The following ZNF407 variants were observed in gnomAD, a reference collection of about 807,000 sequenced individuals.
The protein encoded by ZNF407 is zinc finger protein 407.
In ZNF407, 17 loss-of-function variants were observed where a neutral mutation model predicts 131.2. That is an observed-to-expected ratio of 0.13 (90% CI 0.09 to 0.19). The LOEUF is 0.19. Ranked by LOEUF, ZNF407 falls within the 10% of genes least tolerant of loss-of-function variation. ZNF407 has a pLI of 1.00. For synonymous variants in ZNF407, 1,156 were observed against 1,062.0 expected (o/e 1.09, Z -1.72); for missense variants, 2,681 against 2,830.6 (o/e 0.95, Z 1.20).
intron 8 of ZNF407, among the ~76,000 whole-genome samples, chr18:74,983,846 C>A (rs906574114): frequency 2.6e-5 from 4 of 152,182 alleles, no homozygotes; most frequent in African/African-American, 9.7e-5. Flanking sequence ...CGTCATGGCT[C>A]CTGGTGGCAT....
At chr18:75,028,324 G>A (rs1163495435) in intron 8 of ZNF407, among the ~76,000 whole-genome samples, 2 of 152,116 alleles carry the variant, frequency 1.3e-5, no homozygotes, top group African/African-American at 4.8e-5. Flanking sequence ...CTTGGGTGGT[G>A]GATGACCGTC....
intron 3 of ZNF407, among the ~76,000 whole-genome samples, chr18:74,705,414 G>T (rs767155829): frequency 6.6e-6 from 1 of 152,140 alleles, no homozygotes. Context: ...ATGCTGAATT[G>T]TGCAGATGCT....
At chr18:74,718,790 T>C (rs1289914119) in intron 3 of ZNF407, among the ~76,000 whole-genome samples, 5 of 152,232 alleles carry the variant, frequency 3.3e-5, no homozygotes, top group Admixed American at 3.3e-4. Context: ...AGTAGCTTTT[T>C]AAGACTCTTA....
At chr18:74,941,768 G>C (rs533429891) in intron 8 of ZNF407, among the ~76,000 whole-genome samples, 6 of 152,266 alleles carry the variant, frequency 3.9e-5, no homozygotes, top group African/African-American at 1.4e-4. Context: ...TTAGCTTTGA[G>C]GCTGAAGTCT....
At position 74,633,809 on chromosome 18, in the gene ZNF407, T is replaced by C; in HGVS notation, c.2790T>C (p.Ala930=). The change falls in exon 2 of 9, where the codon GCT becomes GCC. Residue 930 remains alanine, a synonymous_variant. Coordinates refer to ENST00000299687, the MANE Select transcript of ZNF407 (RefSeq NM_017757.3). ...GCCCTGAAGGGGGTAGCCTTGAAGC[T>C]GGTAAAAAGAATGCTGGCTCAGCAG... ...IVGPEGGSLE[A]GKKNAGSAVT... 6.2e-7 allele frequency: 1 copy of C among 1,613,704 alleles called. No homozygotes were observed. Among genetic ancestry groups the C allele is most frequent in the Non-Finnish European group, 8.5e-7 (1 of 1,179,858 alleles).
intron 3 of ZNF407, among the ~76,000 whole-genome samples, chr18:74,742,086 G>C (rs1968563337): frequency 6.6e-6 from 1 of 152,108 alleles, no homozygotes; most frequent in Admixed American, 6.5e-5. Flanking sequence ...TTAGAATTTA[G>C]CCAAGTATGG....
chr18:74,740,435 C>A (rs1392100764), intron 3 of ZNF407, among the ~76,000 whole-genome samples: 5 of 152,178 alleles, frequency 3.3e-5, no homozygotes, highest in African/African-American at 7.2e-5. Flanking sequence ...GGGGTTAGGA[C>A]CCGATATCTT....
In ZNF407 at chr18:74,633,235, G is replaced by A. The variant is rs1238945896; in HGVS notation, c.2216G>A (p.Cys739Tyr). 1 of 1,613,826 alleles carries A rather than the reference G, an allele frequency of 6.2e-7. No individual in the cohort carries two copies. Among genetic ancestry groups the A allele is most frequent in the Non-Finnish European group, 8.5e-7 (1 of 1,179,854 alleles). The change falls in exon 2 of 9, where the codon TGT (cysteine) becomes TAT (tyrosine). Residue 739 changes from cysteine (C) to tyrosine (Y), a missense_variant. Physicochemically the swap from Cys to Tyr is radical, Grantham distance 194. Around this residue, in one of 6 missense-constraint regions of ZNF407, gnomAD observed 1,789 missense variants for 1,748.7 expected, o/e 1.02. Transcript: ENST00000299687. ...GQDYHFLCKA[C>Y]NLYSLSKEGM... ...GACTATCATTTTCTTTGTAAAGCTT[G>A]TAATCTTTATTCATTGAGCAAAGAA...
chr18:74,776,341 G>A (rs941701340), intron 3 of ZNF407, among the ~76,000 whole-genome samples: 3 of 152,150 alleles, frequency 2.0e-5, no homozygotes, highest in African/African-American at 4.8e-5. Context: ...CCAGTCTCAG[G>A]TATTTTGTTG....
rs751717661 is a variant in ZNF407 at position 74,632,682 on chromosome 18, A to G, written c.1663A>G (p.Met555Val). Residue 555 changes from methionine to valine, a missense_variant, in exon 2 of 9, where the codon ATG becomes GTG. Transcript: ENST00000299687. ...IHVKRCHARE[M>V]KFYCRTCDFS... ...TGTGAAAAGGTGCCATGCCAGAGAG[A>G]TGAAATTTTACTGCCGTACTTGTGA... The G allele has an allele frequency of 5.0e-6, 8 of 1,613,942 alleles. No individual in the cohort carries two copies. Among genetic ancestry groups the G allele is most frequent in the Admixed American group, 3.3e-5 (2 of 60,012 alleles).
chr18:74,852,216 C>T (rs905501526), intron 4 of ZNF407, among the ~76,000 whole-genome samples: 6 of 151,378 alleles, frequency 4.0e-5, no homozygotes, highest in African/African-American at 9.7e-5. Flanking sequence ...CGCACGCGCA[C>T]GCGCGCGCGC....
chr18:74,991,513 C>T (rs1281662804), intron 8 of ZNF407, among the ~76,000 whole-genome samples: 3 of 152,182 alleles, frequency 2.0e-5, no homozygotes, highest in Admixed American at 2.0e-4. Flanking sequence ...GGCAATTTTT[C>T]TATTTAAAAT....
intron 8 of ZNF407, among the ~76,000 whole-genome samples, chr18:74,957,743 C>T (rs1972293178): frequency 1.3e-5 from 2 of 152,264 alleles, no homozygotes; most frequent in Admixed American, 6.5e-5. Context: ...TTAAAACTCT[C>T]TGAGCCTGTT....
chr18:74,866,165 T>G (rs1971007208), intron 4 of ZNF407, among the ~76,000 whole-genome samples: 2 of 152,224 alleles, frequency 1.3e-5, no homozygotes, highest in South Asian at 2.1e-4. Flanking sequence ...TATGTCGGGT[T>G]CTACTGTGTC....
intron 3 of ZNF407, among the ~76,000 whole-genome samples, chr18:74,657,392 C>A (rs117082739): frequency 6.8e-4 from 104 of 152,156 alleles, no homozygotes; most frequent in Non-Finnish European, 1.3e-3. Context: ...TGGCATAATA[C>A]ACATATTTGT....
At chr18:74,710,162 A>G (rs1035741558) in intron 3 of ZNF407, among the ~76,000 whole-genome samples, 1 of 152,182 alleles carries the variant, frequency 6.6e-6, no homozygotes, top group African/African-American at 2.4e-5. Flanking sequence ...TTAAAACAAT[A>G]TTTAAGTTTT....
At chr18:74,598,750 A>G (rs1457760423) in intron 1 of ZNF407, among the ~76,000 whole-genome samples, 1 of 152,254 alleles carries the variant, frequency 6.6e-6, no homozygotes, top group Non-Finnish European at 1.5e-5. Context: ...GTTTCTCAGT[A>G]GATGCTCACC....
At chr18:74,602,969 G>T (rs1982647433) in intron 1 of ZNF407, among the ~76,000 whole-genome samples, 2 of 150,128 alleles carry the variant, frequency 1.3e-5, no homozygotes, top group African/African-American at 4.9e-5. Flanking sequence ...AGCATGCCCA[G>T]GTGTGTGGGG....
intron 3 of ZNF407, among the ~76,000 whole-genome samples, chr18:74,652,527 G>A (rs1599042621): frequency 6.6e-6 from 1 of 152,042 alleles, no homozygotes; most frequent in Non-Finnish European, 1.5e-5. Context: ...CCCATGCTGA[G>A]AACTTAAACT....
Sources: gnomAD v4.1 joint callset for allele counts (sites outside exome capture counted in the v4.1 genomes callset) on GRCh38, gnomAD v4.1.1 for gene constraint, gnomAD v4.1.1 regional missense constraint, MANE v1.5 for transcripts, NCBI Gene and HGNC (gene_info 2026-07-23, HGNC 2026-07-21) for gene names.